The following FLT4 variants were observed in gnomAD, a reference collection of about 807,000 sequenced individuals.
FLT4 encodes fms related receptor tyrosine kinase 4, also known as vascular endothelial growth factor receptor 3.
In FLT4, 30 loss-of-function variants were observed where a neutral mutation model predicts 163.2. The ratio of observed to expected loss-of-function variants is 0.18; its 90% confidence interval spans 0.14 to 0.25. The LOEUF is 0.25. Among genes scored for constraint, FLT4 ranks in the 10% least tolerant of loss-of-function variants. The probability of loss-of-function intolerance (pLI) is 1.00; values close to 1 mark genes in which losing one functional copy is unlikely to be tolerated. For synonymous variants in FLT4, 884 were observed against 789.5 expected, an observed-to-expected ratio of 1.12 and a Z score of -2.01; for missense variants, 1,510 against 1,863.8, an observed-to-expected ratio of 0.81 and a Z score of 3.50.
At chr5:180,640,712 CATG>C (rs1765038647) in intron 1 of FLT4, among the ~76,000 whole-genome samples, 1 of 152,248 alleles carries the variant, frequency 6.6e-6, no homozygotes, top group African/African-American at 2.4e-5. Context: ...GCTTTCCTCC[CATG>C]ATGTGGGAGT....
At chr5:180,628,553 C>A (rs1396180905) in intron 8 of FLT4, among the ~76,000 whole-genome samples, 1 of 152,240 alleles carries the variant, frequency 6.6e-6, no homozygotes. Flanking sequence ...TGCTGCAGGG[C>A]AGGCCCTGGA....
chr5:180,640,031 C>T (rs1764983252), intron 1 of FLT4, among the ~76,000 whole-genome samples: 1 of 152,218 alleles, frequency 6.6e-6, no homozygotes, highest in Admixed American at 6.5e-5. Flanking sequence ...TGTCAGCAGC[C>T]CCAGGACACC....
chr5:180,609,830 T>C (rs1762032474), intron 28 of FLT4, 75 bp downstream of exon 28: 1 of 1,581,202 alleles, frequency 6.3e-7, no homozygotes, highest in African/African-American at 1.3e-5. Flanking sequence ...GCCTTACGAA[T>C]TCCTGACGCT....
chr5:180,647,526 G>C (rs1417305995), intron 1 of FLT4, among the ~76,000 whole-genome samples: 1 of 151,756 alleles, frequency 6.6e-6, no homozygotes, highest in Non-Finnish European at 1.5e-5. Context: ...GGATGCTCAG[G>C]CTTCTGGCCT....
rs144713414 is a variant in FLT4 at position 180,612,524 on chromosome 5, G to C, written c.3519C>G (p.Leu1173=). 168 of 1,613,716 alleles carry C rather than the reference G, an allele frequency of 1.0e-4. No individual in the cohort carries two copies. The African/African-American group carries it at 2.1e-3, about 20-fold the overall frequency. ...GGCTCACTTGCAGGCCCCTGCCCTG[G>C]AGCAGGTCCCCCAGGATCTCCACCA... The part of the protein sequence containing the change: ...SELVEILGDL[L]QGRGLQEEEE... Residue 1173 remains leucine (L), a synonymous_variant, in exon 26 of 30, where the codon CTC becomes CTG. Coordinates refer to ENST00000261937, the MANE Select transcript of FLT4 (RefSeq NM_182925.5).
chr5:180,611,840 C>T (rs1762226018), intron 26 of FLT4: 4 of 372,772 alleles, frequency 1.1e-5, no homozygotes, highest in South Asian at 1.0e-4. Flanking sequence ...AACAGCCCTT[C>T]CAGGTACATT....
chr5:180,628,363 G>A (rs967755787), intron 8 of FLT4, among the ~76,000 whole-genome samples: 7 of 152,202 alleles, frequency 4.6e-5, no homozygotes, highest in Admixed American at 3.3e-4. Context: ...CTTGCAGATC[G>A]GGGATCTGCG....
Position 180,601,677 on chromosome 5 carries a change from T to C in FLT4, c.*1515A>G, listed in dbSNP as rs56268625. ...GGTGCGCGCCAGGAGCCAGGCTGGT[T>C]CTCTGCAGAGAACAACCTCCAGATC... On this transcript the variant is annotated 3_prime_UTR_variant, in exon 30 of 30. Transcript: ENST00000261937. The C allele has an allele frequency of 0.092, 21,438 of 233,144 alleles. 1,603 individuals are homozygous for C. Among genetic ancestry groups the C allele is most frequent in the African/African-American group, 0.23 (10,509 of 45,316 alleles). 14.4% of individuals were successfully genotyped at this position (233,144 alleles called of 1,614,324 possible).
intron 23 of FLT4, 115 bp downstream of exon 23, chr5:180,616,252 C>G: frequency 1.4e-6 from 2 of 1,476,996 alleles, no homozygotes; most frequent in Non-Finnish European, 1.9e-6. Flanking sequence ...GGCTGGCCAA[C>G]CAAGGAGCTC....
chr5:180,630,470 C>T lies in FLT4; in HGVS notation c.400+85G>A, dbSNP rs1270014947. ...GGTAGGGCCCCGTTCTCTCCTCCTG[C>T]CAGCCCAGGGTCCACAGGCTGGGGG... is the stretch of plus-strand genomic sequence containing the variant. On this transcript the variant is annotated intron_variant, in intron 3 of 29. Transcript: ENST00000261937. The surrounding 1 kb of genome is among the most constrained non-coding windows in gnomAD (Gnocchi z 6.3). 6.3e-6 allele frequency: 10 copies of T among 1,594,738 alleles called. No homozygotes were observed. Among genetic ancestry groups the T allele is most frequent in the Admixed American group, 1.7e-5 (1 of 58,824 alleles).
chr5:180,616,259 G>T, intron 23 of FLT4, 108 bp downstream of exon 23: 1 of 1,506,208 alleles, frequency 6.6e-7, no homozygotes, highest in Non-Finnish European at 9.2e-7. Context: ...CAACCAAGGA[G>T]CTCACCTCAC....
At chr5:180,617,077 A>G in intron 21 of FLT4, 83 bp from the exon 22 acceptor site, 2 of 986,990 alleles carry the variant, frequency 2.0e-6, no homozygotes, top group Middle Eastern at 2.4e-4. Flanking sequence ...GCTAACAAGC[A>G]TGTCAGCCCC....
intron 8 of FLT4, among the ~76,000 whole-genome samples, chr5:180,627,789 C>T (rs905117795): frequency 7.2e-5 from 11 of 152,306 alleles, no homozygotes; most frequent in African/African-American, 2.2e-4. Flanking sequence ...GGGCAGGGGA[C>T]AGGGCCCAGG....
rs2127810528 is a variant in FLT4, at chr5:180,620,163, C to T, written c.2542+10G>A. ...GAGGTGTGGGTTGGGCAGGCTGGTG[C>T]TGGCCTCACCCAGGTGCAGCCGCTC... On this transcript the variant is annotated intron_variant, in intron 17 of 29. Transcript: ENST00000261937. The surrounding 1 kb of genome is among the most constrained non-coding windows in gnomAD (Gnocchi z 4.4). 6.2e-7 allele frequency: 1 copy of T among 1,604,082 alleles called. No homozygotes were observed. Among genetic ancestry groups the T allele is most frequent in the Non-Finnish European group, 8.5e-7 (1 of 1,178,956 alleles).
Position 180,616,387 on chromosome 5 carries a change from C to T in FLT4, c.3199G>A (p.Asp1067Asn), listed in dbSNP as rs760757893. 6 of 1,613,896 alleles carry T rather than the reference C, an allele frequency of 3.7e-6. No homozygotes were observed. In the African/African-American group the frequency reaches 4.0e-5, roughly 11 times the overall value. The change falls in exon 23 of 30, where the codon GAC becomes AAC. Residue 1067 changes from aspartate to asparagine, a missense_variant. Coordinates refer to ENST00000261937, the MANE Select transcript of FLT4 (RefSeq NM_182925.5). The stretch of plus-strand genomic sequence containing the variant: ...CTCACACTGCCCTTGCGGACGTAGT[C>T]GGGGTCTTTGTAGATGTCCCGGGCA... ...GLARDIYKDP[D>N]YVRKGSARLP...
chr5:180,644,519 C>T (rs1056702231), intron 1 of FLT4, among the ~76,000 whole-genome samples: 2 of 152,190 alleles, frequency 1.3e-5, no homozygotes, highest in African/African-American at 2.4e-5. Flanking sequence ...CCGCTTGGCC[C>T]CCATGCTATT....
In FLT4 at chr5:180,620,282, GC is replaced by G; in HGVS notation, c.2432del (p.Gly811AlafsTer68). 6.2e-7 allele frequency: 1 copy of G among 1,612,076 alleles called. No individual in the cohort carries two copies. On this transcript the variant is annotated frameshift_variant, in exon 17 of 30. Coordinates refer to ENST00000261937, the MANE Select transcript of FLT4 (RefSeq NM_182925.5). LOFTEE classifies it high-confidence loss of function. This position sits in a 1 kb window ranked among gnomAD's most constrained non-coding sequence, Gnocchi z 4.4. ...RRPAHADIKT[G>X]YLSIIMDPGE... ...CGGGGTCCATGATGATGGACAGGTA[GC>G]CCGTCTTGATGTCTGCGTGGGCCGG...
chr5:180,647,730 T>C (rs763801427), intron 1 of FLT4, among the ~76,000 whole-genome samples: 31 of 152,128 alleles, frequency 2.0e-4, no homozygotes, highest in African/African-American at 5.8e-4. Context: ...TCTGTCTTCA[T>C]TGCCATCTCC....
intron 24 of FLT4, 49 bp downstream of exon 24, chr5:180,614,019 G>A (rs762904794): frequency 1.3e-5 from 17 of 1,307,924 alleles, no homozygotes; most frequent in Admixed American, 1.0e-4. Context: ...GTAACCTGCC[G>A]CCAGTGACCT....
Sources: allele counts gnomAD v4.1 joint callset (sites outside exome capture counted in the v4.1 genomes callset), GRCh38; gene constraint gnomAD v4.1.1; non-coding constraint Gnocchi (gnomAD v3.1); transcripts MANE v1.5; gene names NCBI Gene and HGNC (gene_info 2026-07-23, HGNC 2026-07-21).